The following CFAP74 variants were observed in gnomAD, a reference collection of about 807,000 sequenced individuals.
CFAP74 encodes cilia and flagella associated protein 74.
Under a neutral mutation model 188.9 loss-of-function variants are expected in CFAP74, and 124 were observed. The observed-to-expected ratio is 0.66, with a 90% CI of 0.57 to 0.76. CFAP74 has a LOEUF of 0.76. CFAP74 is among the 30% of genes least tolerant of loss of function. CFAP74 has a pLI of 0.00. For synonymous variants in CFAP74, 956 were observed against 916.7 expected (o/e 1.04, Z -0.77); for missense variants, 2,198 against 2,165.2 (o/e 1.02, Z -0.30).
intron 13 of CFAP74, among the ~76,000 whole-genome samples, chr1:1,964,401 T>C (rs1224334444): frequency 6.6e-6 from 1 of 152,176 alleles, no homozygotes; most frequent in Non-Finnish European, 1.5e-5. Flanking sequence ...CAGCCCTCCA[T>C]GGGGATGGGG....
In CFAP74 at chr1:1,929,076, G is replaced by A. The variant is rs554166913; in HGVS notation, c.3289-194C>T. Among the ~76,000 whole-genome samples, 13 of 152,090 alleles carry A rather than the reference G, an allele frequency of 8.5e-5. No homozygotes were observed. The East Asian group carries it at 9.8e-4, about 12-fold the overall frequency. On this transcript the variant is annotated intron_variant, in intron 26 of 38. Coordinates refer to ENST00000682832, the MANE Select transcript of CFAP74 (RefSeq NM_001304360.2). ...CCAGGAGGCTGGGCGGGCTGCAGGC[G>A]GGAGCACCAAACCCTCTGGCCATGC...
rs1283269093 is a variant in CFAP74, at chr1:1,974,080, A to G, written c.619T>C (p.Cys207Arg). The change falls in exon 7 of 39, where the codon TGC (cysteine) becomes CGC (arginine). Residue 207 changes from cysteine to arginine, a missense_variant. Cys to Arg is a radical substitution (Grantham distance 180). Transcript: ENST00000682832. ...TTCCCCAGGGCCTCCTGCTCTCTGC[A>G]GAGCTGCTCGGCTGCGCGCACCTGG... ...RLQVRAAEQL[C>R]REQEALGKVE... 6.2e-7 allele frequency: 1 copy of G among 1,611,390 alleles called. No homozygotes were observed. Among genetic ancestry groups the G allele is most frequent in the Non-Finnish European group, 8.5e-7 (1 of 1,178,698 alleles).
At chr1:1,946,097 G>A (rs530963365) in intron 20 of CFAP74, among the ~76,000 whole-genome samples, 4 of 152,334 alleles carry the variant, frequency 2.6e-5, no homozygotes, top group South Asian at 2.1e-4. Flanking sequence ...ATGGGCATGC[G>A]TGTATGTGCT....
rs1235481965 is a variant in CFAP74, at chr1:1,968,192, G to A, written c.1245+443C>T. ...AAAGGATGAGTGAGTGAATGAATGA[G>A]TGATAGGAAAGCTGTCCTCTAGGTG... is the stretch of plus-strand genomic sequence containing the variant. On this transcript the variant is annotated intron_variant, in intron 11 of 38. Transcript: ENST00000682832. The surrounding 1 kb of genome is among the most constrained non-coding windows in gnomAD (Gnocchi z 4.3). 6.6e-6 allele frequency among the ~76,000 whole-genome samples: 1 copy of A among 152,216 alleles called. No individual in the cohort carries two copies. The highest frequency in any genetic ancestry group is 1.5e-5 in the Non-Finnish European group (1 of 68,040).
intron 18 of CFAP74, among the ~76,000 whole-genome samples, chr1:1,952,287 C>T (rs2102057321): frequency 6.7e-6 from 1 of 150,344 alleles, no homozygotes. Context: ...ATTTAAAGGC[C>T]AGGGGTCATT....
At chr1:1,950,684 A>C (rs962386990) in intron 18 of CFAP74, among the ~76,000 whole-genome samples, 2 of 152,194 alleles carry the variant, frequency 1.3e-5, no homozygotes, top group African/African-American at 4.8e-5. Context: ...TGAGATTTGA[A>C]AATTACATAT....
rs765304300 is a variant in CFAP74 at position 1,963,846 on chromosome 1, A to G, written c.1597T>C (p.Tyr533His). The G allele has an allele frequency of 3.7e-6, 6 of 1,613,488 alleles. No individual in the cohort carries two copies. The African/African-American group carries it at 4.0e-5, about 11-fold the overall frequency. Reference protein sequence around the residue: ...HFQDFDIGKVYKKKITLVNTT... With the variant: ...HFQDFDIGKVHKKKITLVNTT... ...TTTACCAACGTGATCTTTTTCTTGT[A>G]CACTTTGCCAATATCAAAGTCCTGG... The change falls in exon 14 of 39, where the codon TAC becomes CAC. Residue 533 changes from tyrosine (Y) to histidine (H), a missense_variant. Transcript: ENST00000682832.
chr1:1,999,577 G>A (rs1442159451), intron 1 of CFAP74, among the ~76,000 whole-genome samples: 1 of 152,194 alleles, frequency 6.6e-6, no homozygotes, highest in Non-Finnish European at 1.5e-5. Flanking sequence ...AGCACTTTGG[G>A]AGGCCGAGGC....
At position 1,947,162 on chromosome 1, in the gene CFAP74, GTTCT is replaced by G. The variant is rs1382368621; in HGVS notation, c.2177-112_2177-109del. ...CCTCCAAACCCATATCCTGGGCTCT[GTTCT>G]TTCTGAACATAGTGGAGCCATCCGT... On this transcript the variant is annotated intron_variant, in intron 18 of 38. Coordinates refer to ENST00000682832, the MANE Select transcript of CFAP74 (RefSeq NM_001304360.2). The G allele has an allele frequency of 4.8e-6, 4 of 840,484 alleles. No homozygotes were observed. The East Asian group carries it at 8.0e-5, about 17-fold the overall frequency. 52.1% of individuals were successfully genotyped at this position (840,484 alleles called of 1,614,324 possible).
chr1:1,959,936 C>A (rs375432677), intron 15 of CFAP74, 28 bp downstream of exon 15: 1 of 1,559,592 alleles, frequency 6.4e-7, no homozygotes, highest in East Asian at 2.5e-5. Context: ...ACCTCCCCTT[C>A]GAGAGAGAAC....
At position 1,930,175 on chromosome 1, in the gene CFAP74, G is replaced by A; in HGVS notation, c.3173C>T (p.Pro1058Leu). ...AGAGGCGTCCTCTGAGCCAATGCGG[G>A]GCTTGGAGTGGGTCGGTGAGCTCAT... ...LSMSSPTHSK[P>L]RIGSEDASPM... The change falls in exon 26 of 39, where the codon CCC (proline) becomes CTC (leucine). Residue 1058 changes from proline to leucine, a missense_variant. Transcript: ENST00000682832. 6.5e-7 allele frequency: 1 copy of A among 1,535,712 alleles called. No individual in the cohort carries two copies. Among genetic ancestry groups the A allele is most frequent in the South Asian group, 1.2e-5 (1 of 84,064 alleles).
At chr1:1,955,509 A>T in intron 18 of CFAP74, 182 bp downstream of exon 18, 1 of 1,607,156 alleles carries the variant, frequency 6.2e-7, no homozygotes, top group Non-Finnish European at 8.5e-7. Flanking sequence ...ATTTTCGTCC[A>T]CTCCAAAAAC....
chr1:1,929,435 G>A lies in CFAP74; in HGVS notation c.3289-553C>T, dbSNP rs2102033778. Among the ~76,000 whole-genome samples, 2 of 139,846 alleles carry A rather than the reference G, an allele frequency of 1.4e-5. 1 individual carries two copies. Among genetic ancestry groups the A allele is most frequent in the South Asian group, 4.9e-4 (2 of 4,110 alleles). 91.7% of individuals were successfully genotyped at this position (139,846 alleles called of 152,430 possible). ...GGTAGGGAGGGAGCGAGGGGAGAGG[G>A]TAGGGGAGGGAGAGGAGAGCTGCAT... On this transcript the variant is annotated intron_variant, in intron 26 of 38. Transcript: ENST00000682832.
At chr1:1,953,791 G>T in intron 18 of CFAP74, 1 of 153,480 alleles carries the variant, frequency 6.5e-6, no homozygotes, top group Middle Eastern at 3.4e-3. Context: ...GACCCTGGAG[G>T]AGAAAAAAAT....
intron 25 of CFAP74, among the ~76,000 whole-genome samples, chr1:1,934,940 T>TAATGAA (rs1557997614): frequency 3.3e-4 from 30 of 89,992 alleles, no homozygotes; most frequent in East Asian, 4.4e-4. Flanking sequence ...CACAGGTGTG[T>TAATGAA]ACGTGGGTGT....
At chr1:1,995,379 C>T (rs1306730267) in intron 1 of CFAP74, among the ~76,000 whole-genome samples, 1 of 151,698 alleles carries the variant, frequency 6.6e-6, no homozygotes, top group Non-Finnish European at 1.5e-5. Flanking sequence ...GTAATCCCAG[C>T]TACTTAGGAG....
In CFAP74 at chr1:1,995,362, C is replaced by T. The variant is rs150054289; in HGVS notation, c.-19-4387G>A. Among the ~76,000 whole-genome samples the T allele has an allele frequency of 9.5e-3, 1,437 of 151,772 alleles. 21 individuals are homozygous for T. Among genetic ancestry groups the T allele is most frequent in the South Asian group, 0.031 (147 of 4,790 alleles). On this transcript the variant is annotated intron_variant, in intron 1 of 38. Coordinates refer to ENST00000682832, the MANE Select transcript of CFAP74 (RefSeq NM_001304360.2). The stretch of plus-strand genomic sequence containing the variant: ...CAAAAATTAGCCGGGCGTGATGGCG[C>T]ATCCCTGTAATCCCAGCTACTTAGG...
chr1:1,960,182 T>C lies in CFAP74; in HGVS notation c.1695-152A>G, dbSNP rs575837112. On this transcript the variant is annotated intron_variant, in intron 14 of 38. Coordinates refer to ENST00000682832, the MANE Select transcript of CFAP74 (RefSeq NM_001304360.2). Reference sequence around the variant, plus strand: ...CAGCCGCCTTCACCCCGGGGAGTGCTGGATCTGCTGCATTCCCTGCTGCCG... The same window carrying C: ...CAGCCGCCTTCACCCCGGGGAGTGCCGGATCTGCTGCATTCCCTGCTGCCG... 9.2e-6 allele frequency: 6 copies of C among 654,506 alleles called. No homozygotes were observed. The South Asian group carries it at 1.1e-4, about 12-fold the overall frequency. 40.5% of individuals were successfully genotyped at this position (654,506 alleles called of 1,614,324 possible).
Position 1,922,395 on chromosome 1 carries a change from C to T in CFAP74, c.4819-7G>A, listed in dbSNP as rs1360810074. ...CCATGAGTGGGTGGTCTGGCTGGAA[C>T]AGGAGGGGAGGGGAGAAGAGGCCTT... is the stretch of plus-strand genomic sequence containing the variant. On this transcript the variant is annotated splice_region_variant and splice_polypyrimidine_tract_variant and intron_variant, in intron 38 of 38. Coordinates refer to ENST00000682832, the MANE Select transcript of CFAP74 (RefSeq NM_001304360.2). 3 of 1,603,548 alleles carry T rather than the reference C, an allele frequency of 1.9e-6. No homozygotes were observed. Among genetic ancestry groups the T allele is most frequent in the East Asian group, 4.5e-5 (2 of 44,774 alleles).
Sources: allele counts gnomAD v4.1 joint callset (sites outside exome capture counted in the v4.1 genomes callset), GRCh38; gene constraint gnomAD v4.1.1; non-coding constraint Gnocchi (gnomAD v3.1); transcripts MANE v1.5; gene names NCBI Gene and HGNC (gene_info 2026-07-23, HGNC 2026-07-21).